The following HECTD2 variants were observed in gnomAD, a reference collection of about 807,000 sequenced individuals.
The protein encoded by HECTD2 is HECT domain E3 ubiquitin protein ligase 2.
HECTD2 carries 35 observed loss-of-function variants against 103.2 expected under a neutral mutation model. That is an observed-to-expected ratio of 0.34 (90% CI 0.26 to 0.45). The LOEUF (loss-of-function observed/expected upper bound fraction) is 0.45, where lower values mean the gene tolerates loss of function less well. Among genes scored for constraint, HECTD2 ranks in the 20% least tolerant of loss-of-function variants. The probability of loss-of-function intolerance (pLI) is 1.00; values close to 1 mark genes in which losing one functional copy is unlikely to be tolerated. For missense variants in HECTD2, 596 were observed against 937.4 expected (o/e 0.64, Z 4.76); for synonymous variants, 281 against 329.9 (o/e 0.85, Z 1.61).
At chr10:91,423,391 A>G (rs1300025699) in intron 1 of HECTD2, among the ~76,000 whole-genome samples, 4 of 152,188 alleles carry the variant, frequency 2.6e-5, no homozygotes, top group Non-Finnish European at 5.9e-5. Context: ...ACAAGTACTC[A>G]ACAAATGACT....
At chr10:91,504,633 G>T (rs1160595393) in intron 20 of HECTD2, among the ~76,000 whole-genome samples, 1 of 151,936 alleles carries the variant, frequency 6.6e-6, no homozygotes, top group African/African-American at 2.4e-5. Flanking sequence ...TATGTGAAAA[G>T]ACCAAATCTA....
intron 2 of HECTD2, among the ~76,000 whole-genome samples, chr10:91,428,184 T>G (rs1843658398): frequency 6.6e-6 from 1 of 151,608 alleles, no homozygotes; most frequent in Non-Finnish European, 1.5e-5. Context: ...ATCAGATAGT[T>G]GTAGATATGT....
At chr10:91,435,982 T>G (rs139916017) in intron 2 of HECTD2, among the ~76,000 whole-genome samples, 1 of 151,994 alleles carries the variant, frequency 6.6e-6, no homozygotes. Flanking sequence ...TCTGCTGTTA[T>G]GCCTTTAATT....
At chr10:91,510,214 A>G (rs1847369533) in intron 20 of HECTD2, among the ~76,000 whole-genome samples, 1 of 152,224 alleles carries the variant, frequency 6.6e-6, no homozygotes, top group African/African-American at 2.4e-5. Context: ...AAGGGCATGA[A>G]TCCTTGGCAA....
At chr10:91,502,352 G>C (rs569365692) in intron 20 of HECTD2, among the ~76,000 whole-genome samples, 125 of 152,090 alleles carry the variant, frequency 8.2e-4, no homozygotes, top group Non-Finnish European at 1.5e-3. Context: ...GACTATTAAA[G>C]ACACAGTTTA....
chr10:91,418,690 A>G (rs1843230463), intron 1 of HECTD2, among the ~76,000 whole-genome samples: 1 of 152,178 alleles, frequency 6.6e-6, no homozygotes, highest in African/African-American at 2.4e-5. Context: ...ATACAAAAAG[A>G]GAAACAAAAT....
intron 2 of HECTD2, among the ~76,000 whole-genome samples, chr10:91,428,668 GCTCT>G (rs1488638674): frequency 2.0e-5 from 3 of 151,564 alleles, no homozygotes; most frequent in Admixed American, 2.0e-4. Flanking sequence ...TCATGATTTG[GCTCT>G]CTGTTTGTCT....
upstream of HECTD2, chr10:91,410,330 A>AGAAGCGGCGGCTC: frequency 1.9e-6 from 1 of 537,710 alleles, no homozygotes; most frequent in African/African-American, 2.0e-5. Flanking sequence ...AGCGGCGGCT[A>AGAAGCGGCGGCTC]GAAGCGGCAG....
At chr10:91,410,632 G>A in intron 1 of HECTD2, 56 bp downstream of exon 1, 2 of 1,314,342 alleles carry the variant, frequency 1.5e-6, no homozygotes, top group South Asian at 2.0e-5. Context: ...TGGGAGGGAC[G>A]GCGGCCGGGC....
At chr10:91,482,526 A>G (rs1175611504) in intron 7 of HECTD2, among the ~76,000 whole-genome samples, 2 of 151,956 alleles carry the variant, frequency 1.3e-5, no homozygotes, top group Non-Finnish European at 2.9e-5. Flanking sequence ...GCTTTTAATC[A>G]AGGAACACCC....
rs1484297274 is a variant in HECTD2, at chr10:91,496,298, A to G, written c.1606A>G (p.Ile536Val). 6.2e-7 allele frequency: 1 copy of G among 1,612,528 alleles called. No individual in the cohort carries two copies. Among genetic ancestry groups the G allele is most frequent in the South Asian group, 1.1e-5 (1 of 90,984 alleles). ...CCYKKLLSPP[I>V]IPSDQNIPVG... is the part of the protein sequence containing the mutation. ...TTACAAGAAATTATTGAGCCCTCCCATCATTCCTAGTGATCAAAATATACC... is the reference window on the plus strand; with the variant it reads ...TTACAAGAAATTATTGAGCCCTCCCGTCATTCCTAGTGATCAAAATATACC... The change falls in exon 15 of 21, where the codon ATC becomes GTC. Residue 536 changes from isoleucine to valine, a missense_variant. Physicochemically the swap from Ile to Val is conservative, Grantham distance 29. Around this residue, in one of 4 missense-constraint regions of HECTD2, gnomAD observed 303 missense variants for 522.5 expected, o/e 0.58. Transcript: ENST00000298068.
At chr10:91,452,375 C>G (rs1564713975) in intron 2 of HECTD2, among the ~76,000 whole-genome samples, 1 of 152,076 alleles carries the variant, frequency 6.6e-6, no homozygotes, top group African/African-American at 2.4e-5. Flanking sequence ...ACAAAAAGAT[C>G]TTGAAAGCAG....
At chr10:91,423,609 T>C (rs1435696036) in intron 1 of HECTD2, among the ~76,000 whole-genome samples, 1 of 152,144 alleles carries the variant, frequency 6.6e-6, no homozygotes, top group Non-Finnish European at 1.5e-5. Context: ...GCTTGTTAGG[T>C]CACTTTAGGT....
chr10:91,460,422 C>T lies in HECTD2; in HGVS notation c.269-5C>T, dbSNP rs896321741. On this transcript the variant is annotated splice_polypyrimidine_tract_variant and splice_region_variant and intron_variant, in intron 2 of 20. Transcript: ENST00000298068. ...TTATTTTGAATGTGTTTTTATACTT[C>T]ACAGTGAGAGAACCACCACCAATTT... The T allele has an allele frequency of 6.3e-7, 1 of 1,590,002 alleles. No individual in the cohort carries two copies. Among genetic ancestry groups the T allele is most frequent in the Non-Finnish European group, 8.5e-7 (1 of 1,169,708 alleles).
chr10:91,496,056 G>C (rs761094636), intron 14 of HECTD2, among the ~76,000 whole-genome samples, 158 bp from the exon 15 acceptor site: 1 of 152,180 alleles, frequency 6.6e-6, no homozygotes, highest in South Asian at 2.1e-4. Context: ...GTAAAATAAA[G>C]GGGAAATAAA....
At chr10:91,455,416 GTTGT>G (rs1255426079) in intron 2 of HECTD2, among the ~76,000 whole-genome samples, 2 of 151,930 alleles carry the variant, frequency 1.3e-5, no homozygotes, top group Non-Finnish European at 2.9e-5. Context: ...TGTTGATGGG[GTTGT>G]TTGTTTTTTT....
intron 2 of HECTD2, among the ~76,000 whole-genome samples, chr10:91,445,728 T>TG (rs1844576404): frequency 6.6e-6 from 1 of 152,072 alleles, no homozygotes; most frequent in Admixed American, 6.5e-5. Context: ...GTGCAGACTG[T>TG]GGGGGGCAAG....
At chr10:91,504,839 G>C (rs373741183) in intron 20 of HECTD2, among the ~76,000 whole-genome samples, 19,805 of 151,486 alleles carry the variant, frequency 0.13, 2,864 homozygotes, top group African/African-American at 0.37. Context: ...ATTCACCAAA[G>C]TTGAAATGAA....
At chr10:91,449,900 AT>A (rs1189355525) in intron 2 of HECTD2, among the ~76,000 whole-genome samples, 1 of 151,960 alleles carries the variant, frequency 6.6e-6, no homozygotes, top group Non-Finnish European at 1.5e-5. Context: ...ATGGAAAAAC[AT>A]TCTGTGCTCA....
Sources: allele counts gnomAD v4.1 joint callset (sites outside exome capture counted in the v4.1 genomes callset), GRCh38; gene constraint gnomAD v4.1.1; regional missense constraint gnomAD v4.1.1; transcripts MANE v1.5; gene names NCBI Gene and HGNC (gene_info 2026-07-23, HGNC 2026-07-21).